SOBP: variants seen among roughly 807,000 people sequenced by gnomAD.
SOBP encodes sine oculis binding protein homolog, also known as sine oculis-binding protein homolog.
In SOBP, 4 loss-of-function variants were observed where a neutral mutation model predicts 53.6. The ratio of observed to expected loss-of-function variants is 0.07; its 90% CI spans 0.04 to 0.17. The LOEUF (loss-of-function observed/expected upper bound fraction) is 0.17. SOBP is among the 10% of genes least tolerant of loss of function. SOBP has a pLI of 1.00. For missense variants in SOBP, 1,088 were observed against 1,204.7 expected, an observed-to-expected ratio of 0.90 and a Z score of 1.43; for synonymous variants, 584 against 522.6, an observed-to-expected ratio of 1.12 and a Z score of -1.60.
chr6:107,637,106 AAAAC>A (rs1333483868), intron 6 of SOBP, among the ~76,000 whole-genome samples: 2 of 152,202 alleles, frequency 1.3e-5, no homozygotes, highest in Non-Finnish European at 2.9e-5. Context: ...AGTTTCTTAA[AAAAC>A]AAACAAAAAC....
chr6:107,643,703 G>A (rs1405675783), intron 6 of SOBP, among the ~76,000 whole-genome samples: 1 of 152,094 alleles, frequency 6.6e-6, no homozygotes, highest in East Asian at 1.9e-4. Flanking sequence ...ACAGGTATGA[G>A]CCACCATGCC....
At chr6:107,632,322 G>C (rs9400127) in intron 5 of SOBP, among the ~76,000 whole-genome samples, 25,101 of 147,152 alleles carry the variant, frequency 0.17, 2,458 homozygotes, top group East Asian at 0.31. Context: ...TGAGAAAATG[G>C]CCCCCCCCCA....
rs1448685772 is a variant in SOBP, at chr6:107,634,509, C to A, written c.1665C>A (p.Phe555Leu). ...GCGACTCCAAGCCCCCCAACGGGTT[C>A]TCCAGCAACGGGGAGAACTTCATTC... The part of the protein sequence containing the change: ...HVSDSKPPNG[F>L]SSNGENFIPN... Residue 555 changes from phenylalanine (F) to leucine (L), a missense_variant, in exon 6 of 7, where the codon TTC becomes TTA. Physicochemically the swap from Phe to Leu is conservative, Grantham distance 22. This residue lies in a region of SOBP where 665 missense variants were observed against 629.7 expected (regional missense o/e 1.06). Transcript: ENST00000317357. This position sits in a 1 kb window ranked among gnomAD's most constrained non-coding sequence, Gnocchi z 4.5. The A allele has an allele frequency of 1.9e-6, 3 of 1,611,598 alleles. No individual in the cohort carries two copies. Among genetic ancestry groups the A allele is most frequent in the Non-Finnish European group, 1.7e-6 (2 of 1,179,924 alleles).
At chr6:107,589,013 C>A (rs1439024771) in intron 5 of SOBP, among the ~76,000 whole-genome samples, 1 of 151,910 alleles carries the variant, frequency 6.6e-6, no homozygotes, top group Non-Finnish European at 1.5e-5. Flanking sequence ...GTTATGAAGC[C>A]CTGAGAAGTT....
intron 5 of SOBP, among the ~76,000 whole-genome samples, chr6:107,622,109 G>A (rs1248632606): frequency 2.0e-5 from 3 of 152,166 alleles, no homozygotes; most frequent in Non-Finnish European, 2.9e-5. Context: ...GTAATAATAC[G>A]TAAAAACATC....
chr6:107,507,601 G>A (rs539870142), intron 3 of SOBP, among the ~76,000 whole-genome samples: 6 of 152,090 alleles, frequency 3.9e-5, no homozygotes, highest in Non-Finnish European at 7.4e-5. Context: ...CCACCATTCC[G>A]GGCCCTAAAA....
chr6:107,604,204 T>C (rs1333217741), intron 5 of SOBP, among the ~76,000 whole-genome samples: 2 of 152,210 alleles, frequency 1.3e-5, no homozygotes, highest in Non-Finnish European at 2.9e-5. Context: ...AATACAGTTA[T>C]CAAATAAAAG....
intron 6 of SOBP, among the ~76,000 whole-genome samples, chr6:107,639,063 C>T (rs1293743379): frequency 6.6e-6 from 1 of 152,076 alleles, no homozygotes; most frequent in East Asian, 1.9e-4. Flanking sequence ...CCACCATGCC[C>T]AGCTATTTTT....
intron 5 of SOBP, among the ~76,000 whole-genome samples, chr6:107,613,319 A>C (rs1648170202): frequency 6.6e-6 from 1 of 152,230 alleles, no homozygotes; most frequent in Non-Finnish European, 1.5e-5. Context: ...CAGGAGAAAA[A>C]TGCCTTTCTG....
At chr6:107,601,731 T>C (rs149586865) in intron 5 of SOBP, among the ~76,000 whole-genome samples, 2 of 152,332 alleles carry the variant, frequency 1.3e-5, no homozygotes, top group East Asian at 3.9e-4. Context: ...CATAGAATAA[T>C]CATACTTCTT....
intron 5 of SOBP, among the ~76,000 whole-genome samples, chr6:107,617,319 T>C (rs1193358395): frequency 1.3e-5 from 2 of 152,122 alleles, no homozygotes; most frequent in Non-Finnish European, 2.9e-5. Context: ...ATAAGATTAA[T>C]TTGGATTCTT....
In SOBP at chr6:107,588,358, T is replaced by A. The variant is rs77245452; in HGVS notation, c.669+1183T>A. Among the ~76,000 whole-genome samples, 1,931 of 152,328 alleles carry A rather than the reference T, an allele frequency of 0.013. 82 individuals carry two copies. In the East Asian group the frequency reaches 0.16, roughly 13 times the overall value. On this transcript the variant is annotated intron_variant, in intron 5 of 6. Transcript: ENST00000317357. The stretch of plus-strand genomic sequence containing the variant: ...GCACAGTTACAATTACACTACTTAT[T>A]CTGTGTGTGTAGTCCCTTGACCAAC...
In SOBP at chr6:107,634,683, C is replaced by G. The variant is rs1562117216; in HGVS notation, c.1839C>G (p.Ala613=). 6.5e-7 allele frequency: 1 copy of G among 1,527,324 alleles called. No individual in the cohort carries two copies. The highest frequency in any genetic ancestry group is 1.9e-4 in the Middle Eastern group (1 of 5,206). 94.6% of individuals were successfully genotyped at this position (1,527,324 alleles called of 1,614,324 possible). A position where few individuals can be genotyped will look rare whatever the true frequency, so the allele number is the denominator to read the frequency against. Residue 613 remains alanine (A), a synonymous_variant, in exon 6 of 7, where the codon GCC becomes GCG. Transcript: ENST00000317357. The surrounding 1 kb of genome is among the most constrained non-coding windows in gnomAD (Gnocchi z 4.5). Reference sequence around the variant, plus strand: ...CCCTGAGCCTGGCGCCCACGCCCGCCGAGCATGGCCGGAGCGAGGTGGTGG... The same window carrying G: ...CCCTGAGCCTGGCGCCCACGCCCGCGGAGCATGGCCGGAGCGAGGTGGTGG... The part of the protein sequence containing the change: ...GQALSLAPTP[A]EHGRSEVVDL...
chr6:107,534,512 GATCCAAATCTGTTCTTCTTGAAGCAAAC>G (rs1783932965), intron 4 of SOBP, among the ~76,000 whole-genome samples: 1 of 152,054 alleles, frequency 6.6e-6, no homozygotes, highest in African/African-American at 2.4e-5. Context: ...TATAATACAA[GATCCAAATCTGTTCTTCTTGAAGCAAAC>G]AATTATTATT....
At chr6:107,553,104 A>C (rs2115014275) in intron 4 of SOBP, among the ~76,000 whole-genome samples, 1 of 152,068 alleles carries the variant, frequency 6.6e-6, no homozygotes, top group South Asian at 2.1e-4. Context: ...GAAATAAATA[A>C]ATAAATAATA....
chr6:107,622,422 G>T (rs1210759352), intron 5 of SOBP, among the ~76,000 whole-genome samples: 1 of 152,256 alleles, frequency 6.6e-6, no homozygotes, highest in African/African-American at 2.4e-5. Context: ...GATAAAGGCA[G>T]CTGGGATGAT....
chr6:107,541,882 A>G (rs1784156994), intron 4 of SOBP, among the ~76,000 whole-genome samples: 1 of 152,170 alleles, frequency 6.6e-6, no homozygotes, highest in African/African-American at 2.4e-5. Flanking sequence ...CCGACAGGAG[A>G]TAAGTACCTC....
intron 5 of SOBP, among the ~76,000 whole-genome samples, chr6:107,612,922 C>T (rs1395287626): frequency 3.3e-5 from 5 of 152,144 alleles, no homozygotes; most frequent in Admixed American, 6.5e-5. Flanking sequence ...AGCAATACTT[C>T]GATACTTTTT....
At chr6:107,591,332 A>G (rs1651075644) in intron 5 of SOBP, among the ~76,000 whole-genome samples, 3 of 152,242 alleles carry the variant, frequency 2.0e-5, no homozygotes, top group African/African-American at 7.2e-5. Flanking sequence ...TGCTGTTATT[A>G]TCATCTTCTT....
Sources: allele counts gnomAD v4.1 joint callset (sites outside exome capture counted in the v4.1 genomes callset), GRCh38; gene constraint gnomAD v4.1.1; regional missense constraint gnomAD v4.1.1; non-coding constraint Gnocchi (gnomAD v3.1); transcripts MANE v1.5; gene names NCBI Gene and HGNC (gene_info 2026-07-23, HGNC 2026-07-21).